Variants in TTC28 observed in about 807,000 individuals in gnomAD.
TTC28 encodes the protein tetratricopeptide repeat protein 28.
Under a neutral mutation model 198.0 loss-of-function variants are expected in TTC28, and 61 were observed. The observed-to-expected ratio is 0.31, with a 90% CI of 0.25 to 0.38. TTC28 has a LOEUF of 0.38. Ranked by LOEUF, TTC28 falls within the 10% of genes least tolerant of loss-of-function variation. The pLI is 1.00. For synonymous variants in TTC28, 1,171 were observed against 1,297.8 expected, an observed-to-expected ratio of 0.90 and a Z score of 2.10; for missense variants, 2,678 against 3,164.0, an observed-to-expected ratio of 0.85 and a Z score of 3.69.
intron 5 of TTC28, among the ~76,000 whole-genome samples, chr22:28,254,386 C>A (rs574540157): frequency 5.3e-5 from 8 of 151,436 alleles, no homozygotes; most frequent in African/African-American, 1.9e-4. Context: ...TTGGGAAAGC[C>A]CCAGGAATTA....
At chr22:28,531,033 G>T (rs181509537) in intron 2 of TTC28, among the ~76,000 whole-genome samples, 245 of 152,224 alleles carry the variant, frequency 1.6e-3, no homozygotes, top group African/African-American at 5.5e-3. Context: ...ACATCATAAT[G>T]ACAGGATCAA....
At position 28,229,439 on chromosome 22, in the gene TTC28, C is replaced by T. The variant is rs183758238; in HGVS notation, c.934-65840G>A. Among the ~76,000 whole-genome samples, 142 of 152,250 alleles carry T rather than the reference C, an allele frequency of 9.3e-4. 1 individual carries two copies. Among genetic ancestry groups the T allele is most frequent in the African/African-American group, 3.2e-3 (135 of 41,550 alleles). On this transcript the variant is annotated intron_variant, in intron 5 of 22. Coordinates refer to ENST00000397906, the MANE Select transcript of TTC28 (RefSeq NM_001145418.2). ...AACCATTGCCAGCAAAAAGCTGACTCCAAAACTATTCAGTTCAACCTTATA... is the reference window on the plus strand; with the variant it reads ...AACCATTGCCAGCAAAAAGCTGACTTCAAAACTATTCAGTTCAACCTTATA...
At chr22:28,013,893 T>G (rs1938253509) in intron 14 of TTC28, among the ~76,000 whole-genome samples, 1 of 152,168 alleles carries the variant, frequency 6.6e-6, no homozygotes, top group African/African-American at 2.4e-5. Flanking sequence ...TGCGCCTCCC[T>G]GAGCCGCACC....
intron 2 of TTC28, among the ~76,000 whole-genome samples, chr22:28,416,825 A>T (rs1460395675): frequency 1.3e-5 from 2 of 152,234 alleles, no homozygotes; most frequent in Admixed American, 1.3e-4. Flanking sequence ...GAAAACAAAG[A>T]TTCAGAACTC....
intron 6 of TTC28, among the ~76,000 whole-genome samples, chr22:28,142,875 T>C (rs762986999): frequency 2.0e-5 from 3 of 152,156 alleles, no homozygotes; most frequent in Non-Finnish European, 4.4e-5. Flanking sequence ...AGAATAAAAT[T>C]AGCTTTTTGA....
chr22:28,177,845 A>C (rs184022350), intron 5 of TTC28, among the ~76,000 whole-genome samples: 248 of 152,274 alleles, frequency 1.6e-3, no homozygotes, highest in African/African-American at 5.9e-3. Flanking sequence ...GTTGCAAGGG[A>C]GTTGGGGGAG....
At chr22:28,329,659 T>G (rs1467536731) in intron 2 of TTC28, among the ~76,000 whole-genome samples, 1 of 152,146 alleles carries the variant, frequency 6.6e-6, no homozygotes, top group Non-Finnish European at 1.5e-5. Context: ...GGGACTCAGG[T>G]TTCCCATTTT....
intron 6 of TTC28, among the ~76,000 whole-genome samples, chr22:28,148,071 T>A (rs1363159169): frequency 2.0e-5 from 3 of 152,220 alleles, no homozygotes; most frequent in Non-Finnish European, 2.9e-5. Flanking sequence ...ATTTTAGTCA[T>A]GCTTTGTAAA....
At chr22:28,563,689 A>C (rs2049926405) in intron 2 of TTC28, among the ~76,000 whole-genome samples, 1 of 152,206 alleles carries the variant, frequency 6.6e-6, no homozygotes, top group South Asian at 2.1e-4. Context: ...ACCCTTGTAG[A>C]TTGCTGGTGG....
intron 3 of TTC28, among the ~76,000 whole-genome samples, chr22:28,302,726 G>A (rs1164105943): frequency 6.6e-6 from 1 of 152,120 alleles, no homozygotes; most frequent in African/African-American, 2.4e-5. Flanking sequence ...CCGGGCTGGT[G>A]TGCAGGGACA....
At chr22:28,473,534 C>A (rs2146305082) in intron 2 of TTC28, among the ~76,000 whole-genome samples, 1 of 152,290 alleles carries the variant, frequency 6.6e-6, no homozygotes, top group Middle Eastern at 3.4e-3. Flanking sequence ...CTAGAAATTT[C>A]TGAATAACCC....
chr22:28,135,948 G>T (rs1307291750), intron 6 of TTC28, among the ~76,000 whole-genome samples: 1 of 152,082 alleles, frequency 6.6e-6, no homozygotes, highest in Non-Finnish European at 1.5e-5. Context: ...ATAAAGCAGT[G>T]CTCCTCAAAC....
intron 1 of TTC28, among the ~76,000 whole-genome samples, chr22:28,630,255 T>C (rs1246456805): frequency 6.6e-6 from 1 of 152,154 alleles, no homozygotes; most frequent in Non-Finnish European, 1.5e-5. Flanking sequence ...CCCTTTTTTA[T>C]TTATAGATTA....
chr22:28,513,443 C>T (rs1309864273), intron 2 of TTC28, among the ~76,000 whole-genome samples: 4 of 152,122 alleles, frequency 2.6e-5, no homozygotes, highest in Admixed American at 1.3e-4. Flanking sequence ...AAAACAAAAA[C>T]TCCTTCCTTA....
chr22:28,534,040 A>C (rs910619558), intron 2 of TTC28, among the ~76,000 whole-genome samples: 1 of 152,230 alleles, frequency 6.6e-6, no homozygotes, highest in South Asian at 2.1e-4. Context: ...CAATGGCAAC[A>C]AAAGCCAAAA....
rs912566873 is a variant in TTC28 at position 28,487,108 on chromosome 22, AT to A, written c.381+142443del. Reference sequence around the variant, plus strand: ...AGACTTATGGAAAAATCGATGGTGAATTTTTTTTTCCTTTGGACATAAGCAC... The same window carrying A: ...AGACTTATGGAAAAATCGATGGTGAATTTTTTTTCCTTTGGACATAAGCAC... On this transcript the variant is annotated intron_variant, in intron 2 of 22. Transcript: ENST00000397906. 3.3e-5 allele frequency among the ~76,000 whole-genome samples: 5 copies of A among 151,374 alleles called. 1 individual carries two copies. The South Asian group carries it at 6.3e-4, about 19-fold the overall frequency.
chr22:28,074,968 T>C (rs1328486205), intron 12 of TTC28, among the ~76,000 whole-genome samples: 1 of 152,022 alleles, frequency 6.6e-6, no homozygotes, highest in Non-Finnish European at 1.5e-5. Context: ...AGTGTGGTGG[T>C]GCACGTCTGT....
chr22:28,427,294 CTA>C (rs1396796948), intron 2 of TTC28, among the ~76,000 whole-genome samples: 1 of 152,038 alleles, frequency 6.6e-6, no homozygotes, highest in East Asian at 1.9e-4. Context: ...CTTTCTATTC[CTA>C]TAGTCTTCTC....
At chr22:28,552,353 T>C (rs1018445670) in intron 2 of TTC28, among the ~76,000 whole-genome samples, 1 of 151,788 alleles carries the variant, frequency 6.6e-6, no homozygotes, top group East Asian at 1.9e-4. Flanking sequence ...AATATCACCA[T>C]AAATCTTCAC....
Sources: allele counts gnomAD v4.1 joint callset (sites outside exome capture counted in the v4.1 genomes callset), GRCh38; gene constraint gnomAD v4.1.1; transcripts MANE v1.5; gene names NCBI Gene and HGNC (gene_info 2026-07-23, HGNC 2026-07-21).